The following CNR2 variants were observed in gnomAD, a reference collection of about 807,000 sequenced individuals.
CNR2 encodes cannabinoid receptor 2 (macrophage).
For missense variants in CNR2, 379 were observed against 439.9 expected (o/e 0.86, Z 1.24); for synonymous variants, 172 against 182.2 (o/e 0.94, Z 0.45).
chr1:23,904,704 G>A (rs1043564952), intron 1 of CNR2, among the ~76,000 whole-genome samples: 4 of 152,148 alleles, frequency 2.6e-5, no homozygotes, highest in African/African-American at 9.7e-5. Flanking sequence ...CCTGGAAGTG[G>A]CCAGTCACCC....
In CNR2 at chr1:23,902,539, C is replaced by T. The variant is rs1477504278; in HGVS notation, c.-46+10707G>A. On this transcript the variant is annotated intron_variant, in intron 1 of 1. Coordinates refer to ENST00000374472, the MANE Select transcript of CNR2 (RefSeq NM_001841.3). ...AATAGGATCAGAAAGGCTGCGGGCTCCACGTCTGGAATGTGAATTTCAGAT... is the reference window on the plus strand; with the variant it reads ...AATAGGATCAGAAAGGCTGCGGGCTTCACGTCTGGAATGTGAATTTCAGAT... 7 of 1,608,752 alleles carry T rather than the reference C, an allele frequency of 4.4e-6. No homozygotes were observed. In the African/African-American group the frequency reaches 6.7e-5, roughly 15 times the overall value.
At chr1:23,903,958 A>G (rs1156581615) in intron 1 of CNR2, among the ~76,000 whole-genome samples, 1 of 152,190 alleles carries the variant, frequency 6.6e-6, no homozygotes, top group Admixed American at 6.5e-5. Flanking sequence ...CTAGTTGCTC[A>G]GCTGGCTCCT....
intron 1 of CNR2, among the ~76,000 whole-genome samples, chr1:23,889,930 C>G (rs1640156009): frequency 6.6e-6 from 1 of 152,118 alleles, no homozygotes. Flanking sequence ...CAGTAGGTAT[C>G]TAATCAAAGG....
Position 23,902,320 on chromosome 1 carries a change from G to A in CNR2, c.-46+10926C>T, listed in dbSNP as rs1413057521. The A allele has an allele frequency of 3.2e-6, 5 of 1,551,334 alleles. No homozygotes were observed. In the African/African-American group the frequency reaches 4.1e-5, roughly 13 times the overall value. ...TGTGCGTCGATGACCTCCCAGCAGC[G>A]CTGGGTCAGGTCGGGCTCCTCAAAC... On this transcript the variant is annotated intron_variant, in intron 1 of 1. Transcript: ENST00000374472.
intron 1 of CNR2, among the ~76,000 whole-genome samples, chr1:23,899,939 AAGGAAAG>A (rs1184989551): frequency 1.6e-4 from 1 of 6,344 alleles, no homozygotes; most frequent in African/African-American, 1.8e-4. Flanking sequence ...AAGAGAAAGA[AAGGAAAG>A]AGAAAGAAAG....
Position 23,871,141 on chromosome 1 carries a change from T to G in CNR2, c.*3394A>C, listed in dbSNP as rs1202824934. ...CTGCACTCCAACCTGGGTGACAGAG[T>G]GAGATTCTATGTCAAAAAAAAAAAA... On this transcript the variant is annotated 3_prime_UTR_variant, in exon 2 of 2. Coordinates refer to ENST00000374472, the MANE Select transcript of CNR2 (RefSeq NM_001841.3). 2.7e-5 allele frequency: 3 copies of G among 109,636 alleles called. No homozygotes were observed. Among genetic ancestry groups the G allele is most frequent in the Admixed American group, 1.4e-4 (1 of 7,294 alleles). 6.8% of individuals were successfully genotyped at this position (109,636 alleles called of 1,614,324 possible).
At chr1:23,876,834 CAAA>C (rs72220399) in intron 1 of CNR2, among the ~76,000 whole-genome samples, 5 of 120,254 alleles carry the variant, frequency 4.2e-5, no homozygotes, top group Non-Finnish European at 3.5e-5. Context: ...GACTCTGTCT[CAAA>C]AAAAAAAAAA....
intron 1 of CNR2, chr1:23,901,879 T>C (rs1640405901): frequency 1.2e-6 from 2 of 1,608,466 alleles, no homozygotes; most frequent in Non-Finnish European, 1.7e-6. Flanking sequence ...AGTACTGGCA[T>C]TGGTTGCTGC....
At chr1:23,908,939 G>T (rs564396439) in intron 1 of CNR2, among the ~76,000 whole-genome samples, 2 of 152,234 alleles carry the variant, frequency 1.3e-5, no homozygotes, top group African/African-American at 4.8e-5. Flanking sequence ...GGGTGGTGGG[G>T]GTGAGGGAGT....
At chr1:23,902,671 C>G in intron 1 of CNR2, 1 of 1,594,972 alleles carries the variant, frequency 6.3e-7, no homozygotes, top group Non-Finnish European at 8.5e-7. Flanking sequence ...GGGGGTCCCA[C>G]GACAAAGTGC....
At chr1:23,912,895 A>G (rs1434261043) in intron 1 of CNR2, among the ~76,000 whole-genome samples, 1 of 152,166 alleles carries the variant, frequency 6.6e-6, no homozygotes, top group Admixed American at 6.5e-5. Context: ...GGCCAGGTGC[A>G]GTGGCTCATG....
In CNR2 at chr1:23,875,419, T is replaced by C. The variant is rs1639855917; in HGVS notation, c.199A>G (p.Lys67Glu). The C allele has an allele frequency of 1.2e-6, 2 of 1,614,058 alleles. No individual in the cohort carries two copies. Among genetic ancestry groups the C allele is most frequent in the Non-Finnish European group, 1.7e-6 (2 of 1,180,024 alleles). The change falls in exon 2 of 2, where the codon AAG (lysine) becomes GAG (glutamate). Residue 67 changes from lysine (K) to glutamate (E), a missense_variant. Transcript: ENST00000374472. ...CTGCCAATGAACAGGTATGAGGGCT[T>C]CCGGCGGAGTTGGTGGGAGGACAGG... ...LILSSHQLRR[K>E]PSYLFIGSLA...
In CNR2 at chr1:23,871,154, C is replaced by CAAAAAAAAA. The variant is rs34781596; in HGVS notation, c.*3372_*3380dup. ...TGGGTGACAGAGTGAGATTCTATGTCAAAAAAAAAAAAAAAAAAAAAAAAA... is the reference window on the plus strand; with the variant it reads ...TGGGTGACAGAGTGAGATTCTATGTCAAAAAAAAAAAAAAAAAAAAAAAAAAAAAAAAAA... On this transcript the variant is annotated 3_prime_UTR_variant, in exon 2 of 2. Coordinates refer to ENST00000374472, the MANE Select transcript of CNR2 (RefSeq NM_001841.3). The CAAAAAAAAA allele has an allele frequency of 3.4e-5, 2 of 58,772 alleles. No homozygotes were observed. Among genetic ancestry groups the CAAAAAAAAA allele is most frequent in the Non-Finnish European group, 6.0e-5 (2 of 33,498 alleles). The allele number at this position is 58,772 out of a possible 1,614,324, so 3.6% of individuals were successfully genotyped here.
intron 1 of CNR2, among the ~76,000 whole-genome samples, chr1:23,889,115 G>A (rs1003139820): frequency 3.3e-5 from 5 of 152,150 alleles, no homozygotes; most frequent in Non-Finnish European, 7.3e-5. Flanking sequence ...CTGGTGTTAG[G>A]GGCTGCAGCC....
chr1:23,912,646 G>A lies in CNR2; in HGVS notation c.-46+600C>T, dbSNP rs142442396. ...AAATCCAACCACTAAAGGCTCTTAG[G>A]GCAGCGCCTGGCACACAGTAAGGCC... On this transcript the variant is annotated intron_variant, in intron 1 of 1. Coordinates refer to ENST00000374472, the MANE Select transcript of CNR2 (RefSeq NM_001841.3). Among the ~76,000 whole-genome samples, 85 of 152,316 alleles carry A rather than the reference G, an allele frequency of 5.6e-4. No individual in the cohort carries two copies. The East Asian group carries it at 6.6e-3, about 12-fold the overall frequency.
intron 1 of CNR2, chr1:23,902,528 G>C: frequency 6.2e-7 from 1 of 1,608,826 alleles, no homozygotes; most frequent in Non-Finnish European, 8.5e-7. Context: ...GGATCAGAAA[G>C]GCTGCGGGCT....
intron 1 of CNR2, among the ~76,000 whole-genome samples, chr1:23,890,431 C>A (rs1412868144): frequency 6.6e-6 from 1 of 152,002 alleles, no homozygotes; most frequent in African/African-American, 2.4e-5. Context: ...AAAACTTGTT[C>A]AACCTGCAAG....
chr1:23,902,170 G>A (rs1640411513), intron 1 of CNR2: 2 of 1,400,264 alleles, frequency 1.4e-6, no homozygotes, highest in Non-Finnish European at 2.0e-6. Flanking sequence ...CTCTGCCTTG[G>A]CCCAGTTCAG....
chr1:23,895,157 G>C lies in CNR2; in HGVS notation c.-46+18089C>G, dbSNP rs1025341538. 5.5e-5 allele frequency among the ~76,000 whole-genome samples: 8 copies of C among 144,740 alleles called. No homozygotes were observed. The Admixed American group carries it at 5.7e-4, about 10-fold the overall frequency. The allele number at this position is 144,740 out of a possible 152,430, so 95.0% of individuals were successfully genotyped here. A position where few individuals can be genotyped will look rare whatever the true frequency, so the allele number is the denominator to read the frequency against. On this transcript the variant is annotated intron_variant, in intron 1 of 1. Coordinates refer to ENST00000374472, the MANE Select transcript of CNR2 (RefSeq NM_001841.3). ...AATCGCTTGAACCCAGGAGGTGGAG[G>C]TTGCAGTGATCCAAGGTCACGCCAC...
Sources: gnomAD v4.1 joint callset for allele counts (sites outside exome capture counted in the v4.1 genomes callset) on GRCh38, gnomAD v4.1.1 for gene constraint, MANE v1.5 for transcripts, NCBI Gene and HGNC (gene_info 2026-07-23, HGNC 2026-07-21) for gene names.